Variants in USP13 observed in about 807,000 individuals in gnomAD.
USP13 encodes the protein ubiquitin specific peptidase 13.
In USP13, 68 loss-of-function variants were observed where a neutral mutation model predicts 107.8. The ratio of observed to expected loss-of-function variants is 0.63; its 90% CI spans 0.52 to 0.77. The LOEUF (loss-of-function observed/expected upper bound fraction) is 0.77, where lower values mean the gene tolerates loss of function less well. Ranked by LOEUF, USP13 falls within the 30% of genes least tolerant of loss-of-function variation. USP13 has a pLI of 0.00. For synonymous variants in USP13, 377 were observed against 389.5 expected, an observed-to-expected ratio of 0.97 and a Z score of 0.38; for missense variants, 945 against 1,093.3, an observed-to-expected ratio of 0.86 and a Z score of 1.91.
intron 3 of USP13, among the ~76,000 whole-genome samples, chr3:179,694,756 G>A (rs558681031): frequency 1.5e-5 from 2 of 129,930 alleles, no homozygotes; most frequent in East Asian, 4.6e-4. Flanking sequence ...AGCTGAGATC[G>A]CACCATTGCA....
chr3:179,741,203 G>C (rs916089447), intron 11 of USP13, among the ~76,000 whole-genome samples: 51 of 151,652 alleles, frequency 3.4e-4, no homozygotes, highest in Middle Eastern at 3.4e-3. Flanking sequence ...TTGTTTGTTT[G>C]TTTGTTTGTT....
intron 11 of USP13, among the ~76,000 whole-genome samples, chr3:179,741,311 G>A (rs1714191952): frequency 6.6e-6 from 1 of 152,056 alleles, no homozygotes; most frequent in African/African-American, 2.4e-5. Context: ...CGCCTTGCAG[G>A]TTCAAGTGAT....
At chr3:179,734,594 G>C (rs541051782) in intron 10 of USP13, among the ~76,000 whole-genome samples, 1 of 152,262 alleles carries the variant, frequency 6.6e-6, no homozygotes, top group Non-Finnish European at 1.5e-5. Flanking sequence ...TAAGAGCTTT[G>C]TTTCCCTTAA....
Position 179,740,271 on chromosome 3 carries a change from C to T in USP13, c.1279C>T (p.Arg427Cys), listed in dbSNP as rs377063095. Residue 427 changes from arginine to cysteine, a missense_variant, in exon 11 of 21, where the codon CGC becomes TGC. Physicochemically the swap from Arg to Cys is radical, Grantham distance 180. Transcript: ENST00000263966. ...HKPQQNGISP[R>C]MFKAFVSKSH... The stretch of plus-strand genomic sequence containing the variant: ...GCCACAGCAGAACGGGATCTCTCCG[C>T]GCATGTTTAAGGCCTTTGTAAGCAA... The T allele has an allele frequency of 4.5e-5, 72 of 1,613,944 alleles. No homozygotes were observed. Among genetic ancestry groups the T allele is most frequent in the Non-Finnish European group, 5.2e-5 (61 of 1,180,028 alleles).
intron 6 of USP13, among the ~76,000 whole-genome samples, chr3:179,710,368 G>A (rs1187589406): frequency 2.0e-5 from 3 of 152,174 alleles, no homozygotes; most frequent in African/African-American, 4.8e-5. Flanking sequence ...GTCGGATAAA[G>A]TTGCAAGGGG....
rs1715857682 is a variant in USP13 at position 179,784,437 on chromosome 3, C to A, written c.*296C>A. 4.1e-6 allele frequency: 1 copy of A among 246,482 alleles called. No homozygotes were observed. Among genetic ancestry groups the A allele is most frequent in the Non-Finnish European group, 7.8e-6 (1 of 127,486 alleles). The allele number at this position is 246,482 out of a possible 1,614,324, so 15.3% of individuals were successfully genotyped here. ...GGTGGAGGATCTGCCATCAGCACAT[C>A]AAAAATGGGGATGTGCCCCCAGCCC... On this transcript the variant is annotated 3_prime_UTR_variant, in exon 21 of 21. Coordinates refer to ENST00000263966, the MANE Select transcript of USP13 (RefSeq NM_003940.3).
At chr3:179,781,544 T>G (rs973025208) in intron 19 of USP13, among the ~76,000 whole-genome samples, 195 bp from the exon 20 acceptor site, 1 of 58,236 alleles carries the variant, frequency 1.7e-5, no homozygotes, top group Non-Finnish European at 3.2e-5. Context: ...TCCTATTTTT[T>G]GATCACAAAT....
chr3:179,743,833 ATTG>A (rs1344902111), intron 12 of USP13, among the ~76,000 whole-genome samples: 16 of 59,450 alleles, frequency 2.7e-4, no homozygotes, highest in Admixed American at 7.9e-4. Flanking sequence ...TCATAAACTG[ATTG>A]GGGACAGGGG....
rs1715856727 is a variant in USP13, at chr3:179,784,398, G to C, written c.*257G>C. ...ATGATGATATTTAAAAACAAAAAAAGTATTCATATTGCTGGTGGAGGATCT... is the reference window on the plus strand; with the variant it reads ...ATGATGATATTTAAAAACAAAAAAACTATTCATATTGCTGGTGGAGGATCT... On this transcript the variant is annotated 3_prime_UTR_variant, in exon 21 of 21. Transcript: ENST00000263966. 1 of 345,542 alleles carries C rather than the reference G, an allele frequency of 2.9e-6. No homozygotes were observed. Among genetic ancestry groups the C allele is most frequent in the Non-Finnish European group, 5.3e-6 (1 of 190,338 alleles). 21.4% of individuals were successfully genotyped at this position (345,542 alleles called of 1,614,324 possible).
At chr3:179,674,992 G>A (rs1227107743) in intron 1 of USP13, among the ~76,000 whole-genome samples, 5 of 152,024 alleles carry the variant, frequency 3.3e-5, no homozygotes, top group Admixed American at 1.3e-4. Context: ...TGGCTAACAC[G>A]GTGAAACCCT....
At chr3:179,661,566 T>G (rs1303141225) in intron 1 of USP13, among the ~76,000 whole-genome samples, 3 of 152,108 alleles carry the variant, frequency 2.0e-5, no homozygotes, top group Non-Finnish European at 4.4e-5. Flanking sequence ...TTTTTCTTCC[T>G]TTGGCTACCA....
intron 6 of USP13, among the ~76,000 whole-genome samples, chr3:179,718,946 C>T (rs1432581284): frequency 2.0e-5 from 3 of 152,024 alleles, no homozygotes; most frequent in South Asian, 2.1e-4. Context: ...TTAATAGAGA[C>T]GGGTTTCACC....
intron 6 of USP13, 62 bp downstream of exon 6, chr3:179,709,019 C>T (rs997559014): frequency 4.5e-5 from 70 of 1,550,360 alleles, no homozygotes; most frequent in Non-Finnish European, 5.9e-5. Context: ...TTAACCAATC[C>T]CTGAATCCAG....
chr3:179,743,029 C>T (rs1161049422), intron 12 of USP13, among the ~76,000 whole-genome samples: 2 of 152,184 alleles, frequency 1.3e-5, no homozygotes, highest in Non-Finnish European at 2.9e-5. Flanking sequence ...TGTGCATCTC[C>T]TGTGAACTAG....
chr3:179,771,387 G>T (rs1322262432), intron 19 of USP13, among the ~76,000 whole-genome samples: 1 of 152,228 alleles, frequency 6.6e-6, no homozygotes, highest in African/African-American at 2.4e-5. Context: ...GAACCTGAGG[G>T]TGGAGACATC....
At chr3:179,725,763 G>A (rs1179752878) in intron 8 of USP13, among the ~76,000 whole-genome samples, 1 of 152,230 alleles carries the variant, frequency 6.6e-6, no homozygotes, top group Non-Finnish European at 1.5e-5. Flanking sequence ...CTGTTCTTGT[G>A]CTGGAGATGC....
intron 8 of USP13, among the ~76,000 whole-genome samples, chr3:179,728,847 C>T (rs571160983): frequency 6.6e-6 from 1 of 152,190 alleles, no homozygotes; most frequent in African/African-American, 2.4e-5. Flanking sequence ...TCAGGCGTGG[C>T]GGCGCGCGCC....
At position 179,785,011 on chromosome 3, in the gene USP13, A is replaced by C. The variant is rs1237557406; in HGVS notation, c.*870A>C. On this transcript the variant is annotated 3_prime_UTR_variant, in exon 21 of 21. Coordinates refer to ENST00000263966, the MANE Select transcript of USP13 (RefSeq NM_003940.3). ...GGGACATTTGCTGGTGTAATGCTAG[A>C]TGCCCACAGCAGCATAATATTGTAC... 6.6e-6 allele frequency: 1 copy of C among 152,230 alleles called. No homozygotes were observed. Among genetic ancestry groups the C allele is most frequent in the African/African-American group, 2.4e-5 (1 of 41,462 alleles). 9.4% of individuals were successfully genotyped at this position (152,230 alleles called of 1,614,324 possible).
At chr3:179,733,503 T>C (rs941702245) in intron 10 of USP13, among the ~76,000 whole-genome samples, 3 of 152,166 alleles carry the variant, frequency 2.0e-5, no homozygotes, top group Admixed American at 1.3e-4. Context: ...GGCAGTTGGT[T>C]TCAAAGGAAC....
Sources: allele counts gnomAD v4.1 joint callset (sites outside exome capture counted in the v4.1 genomes callset), GRCh38; gene constraint gnomAD v4.1.1; transcripts MANE v1.5; gene names NCBI Gene and HGNC (gene_info 2026-07-23, HGNC 2026-07-21).